RTEL1: variants seen among roughly 807,000 people sequenced by gnomAD.
RTEL1 encodes regulator of telomere elongation helicase 1, also known as regulator of telomere length.
In RTEL1, 86 loss-of-function variants were observed where a neutral mutation model predicts 162.2. The observed-to-expected ratio is 0.53, with a 90% confidence interval of 0.45 to 0.63. The LOEUF is 0.63. Ranked by LOEUF, RTEL1 falls within the 30% of genes least tolerant of loss-of-function variation. The pLI is 0.00. For synonymous variants in RTEL1, 958 were observed against 717.9 expected, an observed-to-expected ratio of 1.33 and a Z score of -5.35; for missense variants, 1,941 against 1,750.2, an observed-to-expected ratio of 1.11 and a Z score of -1.95.
Position 63,693,436 on chromosome 20 carries a change from CCAG to C in RTEL1, c.2992+156_2992+158del, listed in dbSNP as rs1308371313. ...GTGATGGGGGCCTCCACCTCCACCA[CCAG>C]CACCAGCAGCACCACCTCCACCTCC... is the stretch of plus-strand genomic sequence containing the variant. On this transcript the variant is annotated intron_variant, in intron 30 of 34. Coordinates refer to ENST00000360203, the MANE Select transcript of RTEL1 (RefSeq NM_001283009.2). Among the ~76,000 whole-genome samples the C allele has an allele frequency of 1.2e-4, 17 of 146,134 alleles. 1 individual carries two copies. Among genetic ancestry groups the C allele is most frequent in the South Asian group, 6.7e-4 (3 of 4,508 alleles).
rs376017769 is a variant in RTEL1, at chr20:63,692,907, C to T, written c.2755C>T (p.Leu919=). ...CAACTTTGCCACCTTCACCCAGGCC[C>T]TGCAGGACTACAAGGGTTCCGATGA... The part of the protein sequence containing the change: ...QANFATFTQA[L]QDYKGSDDFA... Residue 919 remains leucine, a synonymous_variant, in exon 29 of 35, where the codon CTG becomes TTG. Transcript: ENST00000360203. 18 of 1,612,658 alleles carry T rather than the reference C, an allele frequency of 1.1e-5. No homozygotes were observed. Among genetic ancestry groups the T allele is most frequent in the Non-Finnish European group, 1.4e-5 (17 of 1,179,864 alleles).
Position 63,695,763 on chromosome 20 carries a change from C to T in RTEL1, c.3823-15C>T, listed in dbSNP as rs2090965225. 4 of 1,587,644 alleles carry T rather than the reference C, an allele frequency of 2.5e-6. No homozygotes were observed. The highest frequency in any genetic ancestry group is 3.4e-6 in the Non-Finnish European group (4 of 1,167,332). ...ACGCCTGGCAGACGTGTGCAGTGGG[C>T]CGGTTGTCTCACAGGCCTCTAGGAT... On this transcript the variant is annotated splice_polypyrimidine_tract_variant and intron_variant, in intron 34 of 34. Coordinates refer to ENST00000360203, the MANE Select transcript of RTEL1 (RefSeq NM_001283009.2).
rs75757504 is a variant in RTEL1 at position 63,691,006 on chromosome 20, C to T, written c.2556+59C>T. On this transcript the variant is annotated intron_variant, in intron 27 of 34. Transcript: ENST00000360203. ...CCTCTGTCTCCTGAGGCCAACCCGA[C>T]CCCGCCCATCTGGCCTCAGGCACCT... is the stretch of plus-strand genomic sequence containing the variant. 5.4e-3 allele frequency: 7,978 copies of T among 1,478,016 alleles called. 381 individuals carry two copies. The African/African-American group carries it at 0.1, about 19-fold the overall frequency. 91.6% of individuals were successfully genotyped at this position (1,478,016 alleles called of 1,614,324 possible). A position where few individuals can be genotyped will look rare whatever the true frequency, so the allele number is the denominator to read the frequency against.
chr20:63,665,945 G>A (rs1187904466), intron 6 of RTEL1, 59 bp from the exon 7 acceptor site: 1 of 1,527,610 alleles, frequency 6.5e-7, no homozygotes, highest in Non-Finnish European at 9.1e-7. Flanking sequence ...GCATCCCCCT[G>A]TGGTCTGGGA....
intron 17 of RTEL1, 29 bp from the exon 18 acceptor site, chr20:63,687,908 C>G: frequency 6.2e-7 from 1 of 1,608,642 alleles, no homozygotes; most frequent in Non-Finnish European, 8.5e-7. Context: ...TGCACTTCCC[C>G]ACTGTCTGCT....
intron 6 of RTEL1, among the ~76,000 whole-genome samples, chr20:63,664,722 G>C (rs2090090752): frequency 6.6e-6 from 1 of 152,238 alleles, no homozygotes; most frequent in Non-Finnish European, 1.5e-5. Flanking sequence ...ACCGGCCTGA[G>C]CATCTTCAGA....
chr20:63,672,497 T>A (rs1244907875), intron 8 of RTEL1, 59 bp from the exon 9 acceptor site: 26 of 1,368,236 alleles, frequency 1.9e-5, no homozygotes, highest in Non-Finnish European at 2.6e-5. Context: ...ATGTCTTGGC[T>A]TCCCTCTTTC....
rs571543437 is a variant in RTEL1 at position 63,676,907 on chromosome 20, C to T, written c.920-1238C>T. On this transcript the variant is annotated intron_variant, in intron 10 of 34. Transcript: ENST00000360203. ...CCGAGATCGCACCATTGCACTCCAG[C>T]CTGGCGACAGAGCGAGACTCCGTCT... Among the ~76,000 whole-genome samples, 494 of 112,818 alleles carry T rather than the reference C, an allele frequency of 4.4e-3. 2 individuals are homozygous for T. The highest frequency in any genetic ancestry group is 0.018 in the African/African-American group (486 of 26,502). The allele number at this position is 112,818 out of a possible 152,430, so 74.0% of individuals were successfully genotyped here.
At chr20:63,666,690 C>T (rs551271179) in intron 7 of RTEL1, among the ~76,000 whole-genome samples, 13 of 152,188 alleles carry the variant, frequency 8.5e-5, no homozygotes, top group African/African-American at 2.6e-4. Flanking sequence ...CACACACCAC[C>T]ATGCCTGGTT....
intron 6 of RTEL1, among the ~76,000 whole-genome samples, chr20:63,663,274 G>A (rs564545311): frequency 6.6e-6 from 1 of 152,230 alleles, no homozygotes; most frequent in Non-Finnish European, 1.5e-5. Flanking sequence ...CCAGTGACCG[G>A]CCCTCATACC....
rs755098827 is a variant in RTEL1, at chr20:63,695,358, C to A, written c.3530C>A (p.Thr1177Asn). Reference sequence around the variant, plus strand: ...TCACGGTCCGAGAAGACCGGGAAGACCCAGAGCAAGATCTCGTCCTTCCTT... The same window carrying A: ...TCACGGTCCGAGAAGACCGGGAAGAACCAGAGCAAGATCTCGTCCTTCCTT... ...GPSRSEKTGK[T>N]QSKISSFLRQ... The change falls in exon 34 of 35, where the codon ACC becomes AAC. Residue 1177 changes from threonine (T) to asparagine (N), a missense_variant. Transcript: ENST00000360203. The A allele has an allele frequency of 2.6e-6, 4 of 1,549,828 alleles. No homozygotes were observed. The South Asian group carries it at 4.9e-5, about 19-fold the overall frequency.
At chr20:63,693,029 ACCC>A in intron 29 of RTEL1, 26 bp downstream of exon 29, 1 of 1,611,598 alleles carries the variant, frequency 6.2e-7, no homozygotes, top group African/African-American at 1.3e-5. Flanking sequence ...GAGGCCACCC[ACCC>A]TGAGGGCAGT....
Position 63,689,746 on chromosome 20 carries a change from A to G in RTEL1, c.2026-4A>G. 1.2e-6 allele frequency: 2 copies of G among 1,611,318 alleles called. No individual in the cohort carries two copies. Among genetic ancestry groups the G allele is most frequent in the Non-Finnish European group, 1.7e-6 (2 of 1,179,146 alleles). On this transcript the variant is annotated splice_polypyrimidine_tract_variant and splice_region_variant and intron_variant, in intron 23 of 34. Transcript: ENST00000360203. Reference sequence around the variant, plus strand: ...CCCCGTGACCGAGCCGCCTCGCCCCACAGTTCCTCTCTGGGCAGGAGTGGT... The same window carrying G: ...CCCCGTGACCGAGCCGCCTCGCCCCGCAGTTCCTCTCTGGGCAGGAGTGGT...
chr20:63,696,028 A>T lies in RTEL1; in HGVS notation c.*170A>T. The T allele has an allele frequency of 3.1e-6, 2 of 650,422 alleles. No individual in the cohort carries two copies. The highest frequency in any genetic ancestry group is 5.2e-6 in the Non-Finnish European group (2 of 384,948). The allele number at this position is 650,422 out of a possible 1,614,324, so 40.3% of individuals were successfully genotyped here. A position where few individuals can be genotyped will look rare whatever the true frequency, so the allele number is the denominator to read the frequency against. On this transcript the variant is annotated 3_prime_UTR_variant, in exon 35 of 35. Coordinates refer to ENST00000360203, the MANE Select transcript of RTEL1 (RefSeq NM_001283009.2). Reference sequence around the variant, plus strand: ...TGGTTGGTCCCTGCGGTGGGACCGGATCTGGGCCTGCCTCTGAGAAGCCCT... The same window carrying T: ...TGGTTGGTCCCTGCGGTGGGACCGGTTCTGGGCCTGCCTCTGAGAAGCCCT...
chr20:63,691,925 G>T (rs1026900560), intron 28 of RTEL1, 88 bp downstream of exon 28: 4 of 1,020,794 alleles, frequency 3.9e-6, no homozygotes, highest in Non-Finnish European at 5.9e-6. Context: ...GGCTGGTCCC[G>T]ATGGGACCAG....
intron 30 of RTEL1, among the ~76,000 whole-genome samples, chr20:63,693,663 TCCA>T (rs1568721401): frequency 3.0e-3 from 8 of 2,708 alleles, no homozygotes; most frequent in East Asian, 0.015. Flanking sequence ...CACCACCACC[TCCA>T]CCACCACCAC....
chr20:63,690,273 C>A, intron 25 of RTEL1, 21 bp from the exon 26 acceptor site: 1 of 1,600,938 alleles, frequency 6.2e-7, no homozygotes, highest in Non-Finnish European at 8.5e-7. Context: ...AATGGGTCCA[C>A]CCACCCCCAT....
chr20:63,660,736 C>T (rs1447838548), intron 2 of RTEL1: 1 of 157,012 alleles, frequency 6.4e-6, no homozygotes, highest in African/African-American at 2.4e-5. Context: ...AGCTGATATT[C>T]ACGGGTCAGG....
Position 63,692,962 on chromosome 20 carries a change from C to A in RTEL1, c.2810C>A (p.Pro937His). ...GCCGCCCTGGCCGCCTGTCTCGGCC[C>A]CCTCTTTGCTGAGGACCCCAAGAAG... is the stretch of plus-strand genomic sequence containing the variant. ...DFAALAACLG[P>H]LFAEDPKKHN... The change falls in exon 29 of 35, where the codon CCC (proline) becomes CAC (histidine). Residue 937 changes from proline (P) to histidine (H), a missense_variant. Transcript: ENST00000360203. 1 of 1,612,652 alleles carries A rather than the reference C, an allele frequency of 6.2e-7. No individual in the cohort carries two copies. Among genetic ancestry groups the A allele is most frequent in the Middle Eastern group, 1.7e-4 (1 of 6,060 alleles).
Sources: allele counts gnomAD v4.1 joint callset (sites outside exome capture counted in the v4.1 genomes callset), GRCh38; gene constraint gnomAD v4.1.1; transcripts MANE v1.5; gene names NCBI Gene and HGNC (gene_info 2026-07-23, HGNC 2026-07-21).